Variants in ZNF264 observed in about 807,000 individuals in gnomAD.
ZNF264 encodes the protein zinc finger protein 264.
ZNF264 carries 11 observed loss-of-function variants against 11.2 expected under a neutral mutation model. The observed-to-expected ratio is 0.98, with a 90% CI of 0.62 to 1.63. The LOEUF is 1.63. Among genes scored for constraint, ZNF264 ranks in the 40% most tolerant of loss-of-function variants. The pLI, the probability that ZNF264 is intolerant of heterozygous loss-of-function variation, is 0.00. For missense variants in ZNF264, 752 were observed against 768.1 expected, an observed-to-expected ratio of 0.98 and a Z score of 0.25; for synonymous variants, 309 against 279.8, an observed-to-expected ratio of 1.10 and a Z score of -1.04.
At chr19:57,200,467 C>T (rs533977880) in intron 2 of ZNF264, among the ~76,000 whole-genome samples, 1 of 150,734 alleles carries the variant, frequency 6.6e-6, no homozygotes, top group East Asian at 1.9e-4. Context: ...AAAAAAAAGC[C>T]ACTCAGTACC....
Position 57,211,908 on chromosome 19 carries a change from A to T in ZNF264, c.811A>T (p.Lys271Ter). ...GGAGTGTGGAAAGGCCTTCAACCGC[A>T]AGTCATACCTTACCCAGCACCAGCG... The part of the protein sequence containing the change: ...CMECGKAFNR[K>*]SYLTQHQRIH... The change falls in exon 4 of 4, where the codon AAG (lysine) becomes TAG (stop). Residue 271 changes from lysine to a stop codon, truncating the protein, a stop_gained. Coordinates refer to ENST00000263095, the MANE Select transcript of ZNF264 (RefSeq NM_003417.5). LOFTEE classifies it low-confidence loss of function (END_TRUNC). The T allele has an allele frequency of 6.2e-7, 1 of 1,613,560 alleles. No individual in the cohort carries two copies. The highest frequency in any genetic ancestry group is 8.5e-7 in the Non-Finnish European group (1 of 1,179,868).
Position 57,212,397 on chromosome 19 carries a change from A to C in ZNF264, c.1300A>C (p.Lys434Gln), listed in dbSNP as rs375412123. 44 of 1,614,096 alleles carry C rather than the reference A, an allele frequency of 2.7e-5. No individual in the cohort carries two copies. Among genetic ancestry groups the C allele is most frequent in the Non-Finnish European group, 3.4e-5 (40 of 1,180,058 alleles). Reference protein sequence around the residue: ...EKPFVCSECGKAFTHCSTFIL... With the variant: ...EKPFVCSECGQAFTHCSTFIL... ...GCCCTTCGTGTGCAGTGAATGTGGA[A>C]AGGCCTTCACCCACTGCTCTACTTT... Residue 434 changes from lysine to glutamine, a missense_variant, in exon 4 of 4, where the codon AAG becomes CAG. Physicochemically the swap from Lys to Gln is moderately conservative, Grantham distance 53 (BLOSUM62 1). Transcript: ENST00000263095.
intron 3 of ZNF264, 118 bp downstream of exon 3, chr19:57,205,610 A>G: frequency 1.2e-6 from 1 of 863,584 alleles, no homozygotes; most frequent in Non-Finnish European, 1.9e-6. Flanking sequence ...TATAACTCTT[A>G]TATAACTCTA....
rs879128650 is a variant in ZNF264 at position 57,222,522 on chromosome 19, CTA to C, written c.*9553_*9554del. The C allele has an allele frequency of 0.24, 21,287 of 88,376 alleles. 1,578 individuals are homozygous for C. Among genetic ancestry groups the C allele is most frequent in the South Asian group, 0.31 (832 of 2,678 alleles). The allele number at this position is 88,376 out of a possible 1,614,324, so 5.5% of individuals were successfully genotyped here. A position where few individuals can be genotyped will look rare whatever the true frequency, so the allele number is the denominator to read the frequency against. ...GCTCGCGTTCTCTCTCTCTCTCTCT[CTA>C]TATATATATATGTATATGTGTGTGT... On this transcript the variant is annotated 3_prime_UTR_variant, in exon 4 of 4. Transcript: ENST00000263095.
At chr19:57,209,979 C>G (rs1286025616) in intron 3 of ZNF264, among the ~76,000 whole-genome samples, 1 of 152,180 alleles carries the variant, frequency 6.6e-6, no homozygotes, top group Non-Finnish European at 1.5e-5. Context: ...CTCAGGCATA[C>G]AAGACTCATT....
chr19:57,195,635 A>G (rs2087206608), intron 2 of ZNF264, among the ~76,000 whole-genome samples: 1 of 151,852 alleles, frequency 6.6e-6, no homozygotes, highest in South Asian at 2.1e-4. Context: ...GAGATGCCCT[A>G]ATGGATCTTC....
In ZNF264 at chr19:57,219,618, G is replaced by C. The variant is rs1312134553; in HGVS notation, c.*6637G>C. 6.6e-6 allele frequency: 1 copy of C among 152,218 alleles called. No homozygotes were observed. The highest frequency in any genetic ancestry group is 1.5e-5 in the Non-Finnish European group (1 of 68,052). 9.4% of individuals were successfully genotyped at this position (152,218 alleles called of 1,614,324 possible). Reference sequence around the variant, plus strand: ...AAAACTTCTTTCTTGGTTCTTGAAAGTTGCTGTCTTTCTCCTCCAGAGGGT... The same window carrying C: ...AAAACTTCTTTCTTGGTTCTTGAAACTTGCTGTCTTTCTCCTCCAGAGGGT... On this transcript the variant is annotated 3_prime_UTR_variant, in exon 4 of 4. Coordinates refer to ENST00000263095, the MANE Select transcript of ZNF264 (RefSeq NM_003417.5).
chr19:57,192,065 G>T (rs555803265), intron 1 of ZNF264, 119 bp downstream of exon 1: 4 of 1,012,842 alleles, frequency 3.9e-6, no homozygotes, highest in Non-Finnish European at 5.3e-6. Flanking sequence ...TCGCTTTGGT[G>T]TGTGGAGCTG....
intron 3 of ZNF264, among the ~76,000 whole-genome samples, chr19:57,206,529 C>T (rs1208632857): frequency 6.6e-6 from 1 of 152,074 alleles, no homozygotes; most frequent in Admixed American, 6.5e-5. Context: ...TGAGTCACCG[C>T]GCCTGGCCTA....
At position 57,212,827 on chromosome 19, in the gene ZNF264, C is replaced by T. The variant is rs1269623525; in HGVS notation, c.1730C>T (p.Thr577Ile). 1 of 1,614,198 alleles carries T rather than the reference C, an allele frequency of 6.2e-7. No homozygotes were observed. Among genetic ancestry groups the T allele is most frequent in the South Asian group, 1.1e-5 (1 of 91,084 alleles). ...GTAACAGATGTGGGAAGACCTTTTACAAGTGGACAAACCTCAGTTACCCTT... is the reference window on the plus strand; with the variant it reads ...GTAACAGATGTGGGAAGACCTTTTATAAGTGGACAAACCTCAGTTACCCTT... Reference protein sequence around the residue: ...ISVTDVGRPFTSGQTSVTLRE... With the variant: ...ISVTDVGRPFISGQTSVTLRE... The change falls in exon 4 of 4, where the codon ACA becomes ATA. Residue 577 changes from threonine (T) to isoleucine (I), a missense_variant. Thr to Ile is a moderately conservative substitution (Grantham distance 89, BLOSUM62 -1). Coordinates refer to ENST00000263095, the MANE Select transcript of ZNF264 (RefSeq NM_003417.5).
intron 1 of ZNF264, among the ~76,000 whole-genome samples, chr19:57,193,172 C>G (rs962336023): frequency 1.7e-4 from 26 of 152,050 alleles, no homozygotes; most frequent in Non-Finnish European, 3.2e-4. Flanking sequence ...TCATAGTAAC[C>G]CCATGTTTAG....
At chr19:57,194,917 G>A (rs377693847) in intron 2 of ZNF264, 10 of 398,644 alleles carry the variant, frequency 2.5e-5, no homozygotes, top group African/African-American at 1.9e-4. Context: ...TTATTGTATT[G>A]ATCCAGAAAT....
intron 2 of ZNF264, among the ~76,000 whole-genome samples, chr19:57,200,538 TC>T (rs1169678450): frequency 3.0e-5 from 3 of 100,948 alleles, no homozygotes; most frequent in African/African-American, 2.1e-4. Flanking sequence ...TGTCTTTGTC[TC>T]TTGTCTCTTG....
Position 57,212,299 on chromosome 19 carries a change from G to A in ZNF264, c.1202G>A (p.Cys401Tyr). 2 of 1,613,958 alleles carry A rather than the reference G, an allele frequency of 1.2e-6. No homozygotes were observed. Among genetic ancestry groups the A allele is most frequent in the Non-Finnish European group, 8.5e-7 (1 of 1,179,990 alleles). The change falls in exon 4 of 4, where the codon TGC (cysteine) becomes TAC (tyrosine). Residue 401 changes from cysteine to tyrosine, a missense_variant. Cys to Tyr is a radical substitution (Grantham distance 194, BLOSUM62 -2). Transcript: ENST00000263095. ...VIHTGEKPFE[C>Y]LECGKAFNHR... ...CACACTGGAGAGAAGCCCTTTGAGT[G>A]CCTCGAGTGTGGGAAGGCTTTCAAC...
rs1449794242 is a variant in ZNF264 at position 57,205,449 on chromosome 19, G to A, written c.213G>A (p.Glu71=). 1 of 1,612,444 alleles carries A rather than the reference G, an allele frequency of 6.2e-7. No individual in the cohort carries two copies. The highest frequency in any genetic ancestry group is 1.3e-5 in the African/African-American group (1 of 74,920). Reference sequence around the variant, plus strand: ...TCTGCCACCTAGAGCATGGGCAGGAGCCATGGACCAGGAAGGAAGACCTCT... The same window carrying A: ...TCTGCCACCTAGAGCATGGGCAGGAACCATGGACCAGGAAGGAAGACCTCT... ...ELICHLEHGQ[E]PWTRKEDLSQ... Residue 71 remains glutamate, a synonymous_variant, in exon 3 of 4, where the codon GAG becomes GAA. Transcript: ENST00000263095.
chr19:57,206,255 T>C (rs2087291394), intron 3 of ZNF264, among the ~76,000 whole-genome samples: 1 of 152,146 alleles, frequency 6.6e-6, no homozygotes, highest in African/African-American at 2.4e-5. Flanking sequence ...GAAATCTTTT[T>C]TTTTTTGAGA....
rs151071474 is a variant in ZNF264 at position 57,199,720 on chromosome 19, C to T, written c.161-5677C>T. Among the ~76,000 whole-genome samples the T allele has an allele frequency of 6.2e-3, 940 of 151,982 alleles. 5 individuals carry two copies. Among genetic ancestry groups the T allele is most frequent in the Middle Eastern group, 0.01 (3 of 294 alleles). ...CTCAATTCAAGTGTAGCTCACCTCC[C>T]CATGGGTCACACTCTGAACCTCACT... On this transcript the variant is annotated intron_variant, in intron 2 of 3. Coordinates refer to ENST00000263095, the MANE Select transcript of ZNF264 (RefSeq NM_003417.5).
At chr19:57,209,540 T>C (rs2087318599) in intron 3 of ZNF264, among the ~76,000 whole-genome samples, 1 of 152,232 alleles carries the variant, frequency 6.6e-6, no homozygotes, top group East Asian at 1.9e-4. Context: ...TCAAATAAGA[T>C]TTTATAATTT....
rs1483821707 is a variant in ZNF264 at position 57,191,685 on chromosome 19, C to T, written c.-229C>T. 1 of 399,722 alleles carries T rather than the reference C, an allele frequency of 2.5e-6. No homozygotes were observed. 24.8% of individuals were successfully genotyped at this position (399,722 alleles called of 1,614,324 possible). A position where few individuals can be genotyped will look rare whatever the true frequency, so the allele number is the denominator to read the frequency against. ...TCGCCGTCAAGCTGCGGTCTCTCCT[C>T]CCCCGCCCTTCAGCCCCGCGGTCTC... is the stretch of plus-strand genomic sequence containing the variant. On this transcript the variant is annotated 5_prime_UTR_variant, in exon 1 of 4. Coordinates refer to ENST00000263095, the MANE Select transcript of ZNF264 (RefSeq NM_003417.5).
Sources: allele counts gnomAD v4.1 joint callset (sites outside exome capture counted in the v4.1 genomes callset), GRCh38; gene constraint gnomAD v4.1.1; transcripts MANE v1.5; gene names NCBI Gene and HGNC (gene_info 2026-07-23, HGNC 2026-07-21).